Variants in HPS3 observed in about 807,000 individuals in gnomAD.
HPS3 encodes the protein HPS3 biogenesis of lysosomal organelles complex 2 subunit 1, also known as BLOC-2 complex member HPS3.
Under a neutral mutation model 110.9 loss-of-function variants are expected in HPS3, and 79 were observed. The ratio of observed to expected loss-of-function variants is 0.71; its 90% CI spans 0.59 to 0.86. HPS3 has a LOEUF of 0.86. Ranked by LOEUF, HPS3 falls within the 40% of genes least tolerant of loss-of-function variation. The pLI is 0.00. For synonymous variants in HPS3, 428 were observed against 451.0 expected (o/e 0.95, Z 0.65); for missense variants, 1,197 against 1,206.2 (o/e 0.99, Z 0.11).
Position 149,140,311 on chromosome 3 carries a change from T to C in HPS3, c.525T>C (p.Phe175=). ...IINEEFSLLD[F]ERSLIIHIDN... is the part of the protein sequence containing the mutation. ...ATGAGGAATTCTCACTATTGGACTT[T>C]GAACGTTCTTTAATTATACACATAG... The change falls in exon 2 of 17, where the codon TTT becomes TTC. Residue 175 remains phenylalanine, a synonymous_variant. Transcript: ENST00000296051. 1.2e-6 allele frequency: 2 copies of C among 1,613,766 alleles called. No homozygotes were observed. Among genetic ancestry groups the C allele is most frequent in the South Asian group, 1.1e-5 (1 of 91,032 alleles).
rs143395757 is a variant in HPS3 at position 149,164,259 on chromosome 3, A to G, written c.2589+310A>G. On this transcript the variant is annotated intron_variant, in intron 14 of 16. Coordinates refer to ENST00000296051, the MANE Select transcript of HPS3 (RefSeq NM_032383.5). ...CACTTTGTGAAATGAAAGTGTGGCA[A>G]ATGTTTAGTGGTGTTTTTATTGATG... Among the ~76,000 whole-genome samples, 535 of 152,256 alleles carry G rather than the reference A, an allele frequency of 3.5e-3. 2 individuals are homozygous for G. Among genetic ancestry groups the G allele is most frequent in the African/African-American group, 0.012 (512 of 41,562 alleles).
Position 149,162,715 on chromosome 3 carries a change from C to T in HPS3, c.2318C>T (p.Thr773Ile). ...GTGCTTTGTGCTAAGGATGAAGATACAATTCCTCAGCTCTTGGTAGACTTT... is the reference window on the plus strand; with the variant it reads ...GTGCTTTGTGCTAAGGATGAAGATATAATTCCTCAGCTCTTGGTAGACTTT... ...FKVLCAKDED[T>I]IPQLLVDFWE... The change falls in exon 13 of 17, where the codon ACA becomes ATA. Residue 773 changes from threonine to isoleucine, a missense_variant. Thr to Ile is a moderately conservative substitution (Grantham distance 89). Coordinates refer to ENST00000296051, the MANE Select transcript of HPS3 (RefSeq NM_032383.5). The T allele has an allele frequency of 6.2e-7, 1 of 1,613,970 alleles. No individual in the cohort carries two copies. Among genetic ancestry groups the T allele is most frequent in the Non-Finnish European group, 8.5e-7 (1 of 1,179,922 alleles).
At chr3:149,167,344 A>C in intron 15 of HPS3, 104 bp downstream of exon 15, 1 of 868,344 alleles carries the variant, frequency 1.2e-6, no homozygotes, top group Non-Finnish European at 1.9e-6. Context: ...CTAATCCAAC[A>C]TCATAAGGCT....
intron 7 of HPS3, chr3:149,153,873 G>T (rs1213474111): frequency 1.2e-5 from 7 of 569,082 alleles, no homozygotes; most frequent in Non-Finnish European, 1.9e-5. Flanking sequence ...AATAGTTTCA[G>T]TAAAAATCAA....
rs10693502 is a variant in HPS3 at position 149,141,200 on chromosome 3, C to CTTTTTTT, written c.884+19_884+25dup. On this transcript the variant is annotated intron_variant, in intron 3 of 16. Transcript: ENST00000296051. ...CACCTGCTCTATAGGTATTATAGTG[C>CTTTTTTT]TTTTTTTTTTTTTACCAGCATTTTA... is the stretch of plus-strand genomic sequence containing the variant. 2.2e-4 allele frequency: 338 copies of CTTTTTTT among 1,525,904 alleles called. 1 individual carries two copies. The highest frequency in any genetic ancestry group is 2.6e-4 in the Non-Finnish European group (294 of 1,116,546). 94.5% of individuals were successfully genotyped at this position (1,525,904 alleles called of 1,614,324 possible). A position where few individuals can be genotyped will look rare whatever the true frequency, so the allele number is the denominator to read the frequency against.
chr3:149,157,612 G>C, intron 9 of HPS3, 81 bp downstream of exon 9: 2 of 1,265,652 alleles, frequency 1.6e-6, no homozygotes, highest in South Asian at 2.4e-5. Flanking sequence ...ATCTCTGGTA[G>C]TTACCTGATA....
chr3:149,160,357 T>C (rs1390241528), intron 11 of HPS3, 78 bp downstream of exon 11: 5 of 927,212 alleles, frequency 5.4e-6, no homozygotes, highest in Non-Finnish European at 8.7e-6. Flanking sequence ...GTCTTCTGGC[T>C]TCTTTCTAGC....
intron 6 of HPS3, among the ~76,000 whole-genome samples, chr3:149,152,484 G>A (rs575613074): frequency 3.8e-4 from 58 of 152,274 alleles, no homozygotes; most frequent in African/African-American, 1.3e-3. Flanking sequence ...AGTGGAGGTA[G>A]GAGGGGGAAG....
At chr3:149,136,600 T>G (rs1413903186) in intron 1 of HPS3, among the ~76,000 whole-genome samples, 1 of 152,216 alleles carries the variant, frequency 6.6e-6, no homozygotes, top group Non-Finnish European at 1.5e-5. Context: ...ACTTTGCTTG[T>G]CTGTGCTTCA....
At chr3:149,141,525 TTTTTTG>T in intron 4 of HPS3, 145 bp downstream of exon 4, 2 of 577,494 alleles carry the variant, frequency 3.5e-6, no homozygotes, top group Non-Finnish European at 6.0e-6. Context: ...CAAAGTTTTT[TTTTTTG>T]TTTTTTTTTT....
At chr3:149,145,234 C>T (rs988094635) in intron 4 of HPS3, 120 bp from the exon 5 acceptor site, 1 of 744,962 alleles carries the variant, frequency 1.3e-6, no homozygotes, top group Non-Finnish European at 2.4e-6. Flanking sequence ...AGAGCAACTT[C>T]CCCTTTGCAA....
chr3:149,160,816 T>A (rs564929740), intron 11 of HPS3, among the ~76,000 whole-genome samples: 1 of 152,240 alleles, frequency 6.6e-6, no homozygotes, highest in East Asian at 1.9e-4. Context: ...GCGAAGAAAA[T>A]AGGAGGTAGT....
chr3:149,152,595 CAGG>C (rs1354776653), intron 6 of HPS3, among the ~76,000 whole-genome samples: 3 of 152,198 alleles, frequency 2.0e-5, no homozygotes, highest in African/African-American at 7.2e-5. Context: ...CCTGCTGACT[CAGG>C]CTTTGGAGCT....
chr3:149,167,220 G>A lies in HPS3; in HGVS notation c.2776G>A (p.Glu926Lys), dbSNP rs765524486. 6 of 1,613,176 alleles carry A rather than the reference G, an allele frequency of 3.7e-6. No homozygotes were observed. In the South Asian group the frequency reaches 5.5e-5, roughly 15 times the overall value. ...GGCAGTCATTCCATATGCTAATCATGAACTGAAAGAAGAGAACCGGGTATG... is the reference window on the plus strand; with the variant it reads ...GGCAGTCATTCCATATGCTAATCATAAACTGAAAGAAGAGAACCGGGTATG... ...PEAVIPYANH[E>K]LKEENRTLWW... Residue 926 changes from glutamate to lysine, a missense_variant, in exon 15 of 17, where the codon GAA becomes AAA. By Grantham distance (56) the Glu-to-Lys change is moderately conservative. Coordinates refer to ENST00000296051, the MANE Select transcript of HPS3 (RefSeq NM_032383.5).
At chr3:149,168,007 G>C in intron 16 of HPS3, 24 bp downstream of exon 16, 1 of 1,285,796 alleles carries the variant, frequency 7.8e-7, no homozygotes, top group East Asian at 2.3e-5. Flanking sequence ...TTTTTTGCTT[G>C]ATTATAAACT....
intron 1 of HPS3, 26 bp from the exon 2 acceptor site, chr3:149,139,978 T>G (rs746106408): frequency 6.2e-7 from 1 of 1,601,812 alleles, no homozygotes; most frequent in South Asian, 1.1e-5. Flanking sequence ...TTACAAATTC[T>G]CAGTATAATC....
chr3:149,160,509 A>G (rs1484760598), intron 11 of HPS3, among the ~76,000 whole-genome samples: 5 of 152,242 alleles, frequency 3.3e-5, no homozygotes, highest in African/African-American at 1.2e-4. Context: ...CTTAGTGTCA[A>G]GTGCGTTCAG....
At position 149,162,715 on chromosome 3, in the gene HPS3, C is replaced by A. The variant is rs1723998285; in HGVS notation, c.2318C>A (p.Thr773Lys). ...FKVLCAKDED[T>K]IPQLLVDFWE... ...GTGCTTTGTGCTAAGGATGAAGATACAATTCCTCAGCTCTTGGTAGACTTT... is the reference window on the plus strand; with the variant it reads ...GTGCTTTGTGCTAAGGATGAAGATAAAATTCCTCAGCTCTTGGTAGACTTT... The change falls in exon 13 of 17, where the codon ACA becomes AAA. Residue 773 changes from threonine (T) to lysine (K), a missense_variant. By Grantham distance (78) the Thr-to-Lys change is moderately conservative. Coordinates refer to ENST00000296051, the MANE Select transcript of HPS3 (RefSeq NM_032383.5). 1 of 1,613,970 alleles carries A rather than the reference C, an allele frequency of 6.2e-7. No homozygotes were observed. Among genetic ancestry groups the A allele is most frequent in the Non-Finnish European group, 8.5e-7 (1 of 1,179,922 alleles).
At position 149,172,318 on chromosome 3, in the gene HPS3, T is replaced by TCTCA. The variant is rs72453449; in HGVS notation, c.*97_*98insTCAC. ...GTAGAGGAGTTTTTTATTTTATATATCACACACACACACACACACACACAC... is the reference window on the plus strand; with the variant it reads ...GTAGAGGAGTTTTTTATTTTATATATCTCACACACACACACACACACACACACAC... On this transcript the variant is annotated 3_prime_UTR_variant, in exon 17 of 17. Transcript: ENST00000296051. The TCTCA allele has an allele frequency of 1.0e-3, 575 of 571,796 alleles. 19 individuals are homozygous for TCTCA. The highest frequency in any genetic ancestry group is 5.4e-3 in the South Asian group (312 of 58,134). The allele number at this position is 571,796 out of a possible 1,614,324, so 35.4% of individuals were successfully genotyped here.
Sources: allele counts gnomAD v4.1 joint callset (sites outside exome capture counted in the v4.1 genomes callset), GRCh38; gene constraint gnomAD v4.1.1; transcripts MANE v1.5; gene names NCBI Gene and HGNC (gene_info 2026-07-23, HGNC 2026-07-21).